IGF2BP3: variants seen among roughly 807,000 people sequenced by gnomAD.
IGF2BP3 encodes the protein insulin like growth factor 2 mRNA binding protein 3.
In IGF2BP3, 9 loss-of-function variants were observed where a neutral mutation model predicts 73.8. The observed-to-expected ratio is 0.12, with a 90% CI of 0.07 to 0.21. IGF2BP3 has a LOEUF of 0.21. Among genes scored for constraint, IGF2BP3 ranks in the 10% least tolerant of loss-of-function variants. The pLI is 1.00. For missense variants in IGF2BP3, 542 were observed against 714.0 expected (o/e 0.76, Z 2.75); for synonymous variants, 258 against 256.7 (o/e 1.01, Z -0.05).
rs983903917 is a variant in IGF2BP3 at position 23,423,889 on chromosome 7, G to A, written c.237-5065C>T. Among the ~76,000 whole-genome samples, 3 of 151,966 alleles carry A rather than the reference G, an allele frequency of 2.0e-5. No homozygotes were observed. In the South Asian group the frequency reaches 6.2e-4, roughly 32 times the overall value. On this transcript the variant is annotated intron_variant, in intron 2 of 14. Coordinates refer to ENST00000258729, the MANE Select transcript of IGF2BP3 (RefSeq NM_006547.3). ...AATCCCAGCACTTTGGGAGGCCGAG[G>A]CAGGCAGATCACGAGGTCAGAAGTT...
At chr7:23,420,726 C>T (rs1233760949) in intron 2 of IGF2BP3, among the ~76,000 whole-genome samples, 1 of 152,154 alleles carries the variant, frequency 6.6e-6, no homozygotes, top group Non-Finnish European at 1.5e-5. Context: ...ATTAACTAAA[C>T]TCAGGTACAT....
rs536986310 is a variant in IGF2BP3, at chr7:23,448,381, C to A, written c.236+20101G>T. ...CTCATGTGTACTTGTTTTCAGCAGT[C>A]CTTAACTGTTTATTCTAAACACTTA... is the stretch of plus-strand genomic sequence containing the variant. On this transcript the variant is annotated intron_variant, in intron 2 of 14. Transcript: ENST00000258729. Among the ~76,000 whole-genome samples, 52 of 152,252 alleles carry A rather than the reference C, an allele frequency of 3.4e-4. No individual in the cohort carries two copies. In the Middle Eastern group the frequency reaches 0.01, roughly 30 times the overall value.
chr7:23,453,832 G>C (rs1022108364), intron 2 of IGF2BP3, among the ~76,000 whole-genome samples: 11 of 152,044 alleles, frequency 7.2e-5, no homozygotes, highest in Non-Finnish European at 1.3e-4. Flanking sequence ...GTTAGACAAG[G>C]GTGTTTTTTT....
rs535549862 is a variant in IGF2BP3 at position 23,367,590 on chromosome 7, G to A, written c.286-5849C>T. The stretch of plus-strand genomic sequence containing the variant: ...GTAAGTTTAAATTCCAACGACAGGG[G>A]AGGGAGGAAGGGGTATAAATGCAAA... On this transcript the variant is annotated intron_variant, in intron 3 of 14. Transcript: ENST00000258729. Among the ~76,000 whole-genome samples, 4 of 152,292 alleles carry A rather than the reference G, an allele frequency of 2.6e-5. No homozygotes were observed. In the South Asian group the frequency reaches 6.2e-4, roughly 24 times the overall value.
chr7:23,327,091 TTAAA>T (rs1784320800), intron 10 of IGF2BP3, among the ~76,000 whole-genome samples: 1 of 151,442 alleles, frequency 6.6e-6, no homozygotes, highest in African/African-American at 2.4e-5. Context: ...AATTAATTAA[TTAAA>T]AAAGAAGATA....
Position 23,312,127 on chromosome 7 carries a change from CTTTT to C in IGF2BP3, c.*231_*234del, listed in dbSNP as rs1013824031. On this transcript the variant is annotated 3_prime_UTR_variant, in exon 15 of 15. Coordinates refer to ENST00000258729, the MANE Select transcript of IGF2BP3 (RefSeq NM_006547.3). ...CTTCTCTTTCCCTCCCTCCCCCACC[CTTTT>C]TTTGTTTGTTTGTTTGTTTGTTTTA... 4 of 450,600 alleles carry C rather than the reference CTTTT, an allele frequency of 8.9e-6. No homozygotes were observed. Among genetic ancestry groups the C allele is most frequent in the Admixed American group, 3.9e-5 (1 of 25,426 alleles). 27.9% of individuals were successfully genotyped at this position (450,600 alleles called of 1,614,324 possible). A position where few individuals can be genotyped will look rare whatever the true frequency, so the allele number is the denominator to read the frequency against.
chr7:23,328,024 G>A (rs1305715277), intron 10 of IGF2BP3, among the ~76,000 whole-genome samples: 1 of 152,050 alleles, frequency 6.6e-6, no homozygotes, highest in Non-Finnish European at 1.5e-5. Flanking sequence ...TTTTAATCGT[G>A]TTTATTTAAA....
chr7:23,369,194 G>C (rs1466555179), intron 3 of IGF2BP3, among the ~76,000 whole-genome samples: 3 of 152,100 alleles, frequency 2.0e-5, no homozygotes, highest in Admixed American at 2.0e-4. Flanking sequence ...ACCTGAGCCT[G>C]TCCAGATGAA....
chr7:23,431,703 C>T (rs755289722), intron 2 of IGF2BP3, among the ~76,000 whole-genome samples: 4 of 152,014 alleles, frequency 2.6e-5, no homozygotes, highest in African/African-American at 9.7e-5. Context: ...AATTATGGTC[C>T]GAGAACCACC....
At position 23,470,399 on chromosome 7, in the gene IGF2BP3, AG is replaced by A; in HGVS notation, c.-290del. On this transcript the variant is annotated 5_prime_UTR_variant, in exon 1 of 15. Coordinates refer to ENST00000258729, the MANE Select transcript of IGF2BP3 (RefSeq NM_006547.3). ...CTTAGGAGGAGGCGGGATTAGCAAGAGAAAGGAGGAGGAGGAGGGGAAAAAA... is the reference window on the plus strand; with the variant it reads ...CTTAGGAGGAGGCGGGATTAGCAAGAAAAGGAGGAGGAGGAGGGGAAAAAA... 1 of 218,230 alleles carries A rather than the reference AG, an allele frequency of 4.6e-6. No homozygotes were observed. Among genetic ancestry groups the A allele is most frequent in the Non-Finnish European group, 8.9e-6 (1 of 111,942 alleles). The allele number at this position is 218,230 out of a possible 1,614,324, so 13.5% of individuals were successfully genotyped here.
At chr7:23,412,695 G>C (rs1035009995) in intron 3 of IGF2BP3, among the ~76,000 whole-genome samples, 1 of 151,960 alleles carries the variant, frequency 6.6e-6, no homozygotes, top group Admixed American at 6.6e-5. Flanking sequence ...CTTTACATAA[G>C]GTCTTATGCT....
At chr7:23,374,613 G>A (rs1170091972) in intron 3 of IGF2BP3, among the ~76,000 whole-genome samples, 1 of 152,094 alleles carries the variant, frequency 6.6e-6, no homozygotes, top group Non-Finnish European at 1.5e-5. Flanking sequence ...GAGTTAGGAG[G>A]ATGCAGTGAG....
chr7:23,463,111 C>A (rs773094478), intron 2 of IGF2BP3, among the ~76,000 whole-genome samples: 29 of 152,230 alleles, frequency 1.9e-4, no homozygotes, highest in Non-Finnish European at 3.5e-4. Flanking sequence ...GCACAGCTAA[C>A]CATCTCGTCT....
intron 2 of IGF2BP3, among the ~76,000 whole-genome samples, chr7:23,453,857 T>C (rs111389632): frequency 2.3e-4 from 35 of 152,310 alleles, no homozygotes; most frequent in Non-Finnish European, 4.1e-4. Flanking sequence ...TGTTTTGCTG[T>C]TGTTGTTCTT....
chr7:23,410,604 G>C (rs986945634), intron 3 of IGF2BP3, among the ~76,000 whole-genome samples: 1 of 152,160 alleles, frequency 6.6e-6, no homozygotes, highest in South Asian at 2.1e-4. Flanking sequence ...GCCCATCCCA[G>C]AGCAGCCATG....
intron 2 of IGF2BP3, among the ~76,000 whole-genome samples, chr7:23,444,111 G>C (rs1036446080): frequency 6.6e-6 from 1 of 152,172 alleles, no homozygotes; most frequent in Non-Finnish European, 1.5e-5. Context: ...TATTTAAAAA[G>C]ACTGCTCTGA....
At position 23,405,297 on chromosome 7, in the gene IGF2BP3, TG is replaced by T. The variant is rs149525414; in HGVS notation, c.285+13478del. Among the ~76,000 whole-genome samples, 854 of 152,288 alleles carry T rather than the reference TG, an allele frequency of 5.6e-3. 12 individuals carry two copies. Among genetic ancestry groups the T allele is most frequent in the African/African-American group, 0.019 (807 of 41,550 alleles). On this transcript the variant is annotated intron_variant, in intron 3 of 14. Transcript: ENST00000258729. ...AGCACACCCACCTTGTTTCTCCCAC[TG>T]AAAGCAGTTAAAAAATCTAGACAGA...
chr7:23,355,848 G>A (rs138369876), intron 5 of IGF2BP3, among the ~76,000 whole-genome samples: 1,914 of 151,782 alleles, frequency 0.013, 47 homozygotes, highest in African/African-American at 0.044. Flanking sequence ...CATGAGAATT[G>A]CTTGAATCTG....
At chr7:23,387,555 G>A (rs572634416) in intron 3 of IGF2BP3, among the ~76,000 whole-genome samples, 6 of 152,286 alleles carry the variant, frequency 3.9e-5, no homozygotes, top group African/African-American at 1.4e-4. Flanking sequence ...TAATAACAGA[G>A]AAGACTGGGT....
Sources: gnomAD v4.1 joint callset for allele counts (sites outside exome capture counted in the v4.1 genomes callset) on GRCh38, gnomAD v4.1.1 for gene constraint, MANE v1.5 for transcripts, NCBI Gene and HGNC (gene_info 2026-07-23, HGNC 2026-07-21) for gene names.